The following PVT1 variants were observed in gnomAD, a reference collection of about 807,000 sequenced individuals.
PVT1 encodes the protein CXCR4/PVT1 fusion.
intron 3 of PVT1, among the ~76,000 whole-genome samples, chr8:127,912,021 G>A (rs1198421596): frequency 6.6e-6 from 1 of 152,186 alleles, no homozygotes; most frequent in Non-Finnish European, 1.5e-5. Flanking sequence ...CCAGCTTTTA[G>A]TGGAGACCTG....
chr8:127,855,301 G>A lies in PVT1; in HGVS notation n.373-35288G>A, dbSNP rs983184847. 12 of 398,260 alleles carry A rather than the reference G, an allele frequency of 3.0e-5. No homozygotes were observed. The Admixed American group carries it at 4.4e-4, about 15-fold the overall frequency. The allele number at this position is 398,260 out of a possible 1,614,324, so 24.7% of individuals were successfully genotyped here. On this transcript the variant is annotated intron_variant and non_coding_transcript_variant, in intron 2 of 10. Coordinates refer to ENST00000651587, the Ensembl canonical transcript of PVT1. Reference sequence around the variant, plus strand: ...GATGGAGAAGCAGCTGGGGGCCTTGGCTGTAAGGACCCCTAAGGGTTAGTG... The same window carrying A: ...GATGGAGAAGCAGCTGGGGGCCTTGACTGTAAGGACCCCTAAGGGTTAGTG...
Position 127,881,170 on chromosome 8 carries a change from T to A in PVT1, n.373-9419T>A, listed in dbSNP as rs1815462576. On this transcript the variant is annotated intron_variant and non_coding_transcript_variant, in intron 2 of 10. Transcript: ENST00000651587. ...GAAGGAAATCAAGCCCTTAATAACA[T>A]TAGGGAACTGGACTGGGTTCGGTTT... Among the ~76,000 whole-genome samples the A allele has an allele frequency of 2.0e-5, 3 of 152,184 alleles. No individual in the cohort carries two copies. The South Asian group carries it at 6.2e-4, about 32-fold the overall frequency.
At chr8:128,065,089 A>C (rs1338753971) in intron 4 of PVT1, among the ~76,000 whole-genome samples, 1 of 152,242 alleles carries the variant, frequency 6.6e-6, no homozygotes, top group Non-Finnish European at 1.5e-5. Flanking sequence ...TTACACAGCA[A>C]GTTCCTGAAG....
At chr8:128,055,784 G>A (rs968504808) in intron 4 of PVT1, among the ~76,000 whole-genome samples, 25 of 152,128 alleles carry the variant, frequency 1.6e-4, no homozygotes, top group African/African-American at 5.6e-4. Flanking sequence ...CTCTCATCAC[G>A]AGCAGTCTAG....
rs532277967 is a variant in PVT1 at position 127,815,791 on chromosome 8, T to C, written n.372+19720T>C. ...AATTGGTGAATGAATTTAATGTAGC[T>C]TCAACCTGAAGACCATTATACACTA... On this transcript the variant is annotated intron_variant and non_coding_transcript_variant, in intron 2 of 10. Coordinates refer to ENST00000651587, the Ensembl canonical transcript of PVT1. 1.7e-4 allele frequency among the ~76,000 whole-genome samples: 26 copies of C among 152,336 alleles called. 1 individual carries two copies. In the South Asian group the frequency reaches 5.4e-3, roughly 32 times the overall value.
intron 5 of PVT1, among the ~76,000 whole-genome samples, chr8:128,086,799 G>A (rs569062991): frequency 5.3e-5 from 8 of 152,210 alleles, no homozygotes; most frequent in South Asian, 2.1e-4. Flanking sequence ...CCCTGGCTGC[G>A]TTTGGCTCCA....
At chr8:128,006,799 C>T (rs552073831) in intron 4 of PVT1, among the ~76,000 whole-genome samples, 120 of 152,270 alleles carry the variant, frequency 7.9e-4, no homozygotes, top group Middle Eastern at 6.8e-3. Context: ...GACTATAATA[C>T]ATTTTGTGCT....
At chr8:128,041,282 A>G (rs1813533377) in intron 4 of PVT1, among the ~76,000 whole-genome samples, 2 of 127,350 alleles carry the variant, frequency 1.6e-5, no homozygotes, top group African/African-American at 3.1e-5. Context: ...CTGTGTGTTT[A>G]TGCTTGTATG....
At chr8:127,910,893 T>TG (rs1815888877) in intron 3 of PVT1, among the ~76,000 whole-genome samples, 1 of 140,634 alleles carries the variant, frequency 7.1e-6, no homozygotes, top group African/African-American at 2.6e-5. Context: ...GTGTGTGTGT[T>TG]TGTGTGTGTG....
At chr8:128,037,211 C>G (rs916723377) in intron 4 of PVT1, among the ~76,000 whole-genome samples, 6 of 152,240 alleles carry the variant, frequency 3.9e-5, no homozygotes, top group African/African-American at 1.2e-4. Flanking sequence ...CTCTGAGGGG[C>G]AGGAGCCACT....
At chr8:127,945,789 G>A (rs138968745) in intron 3 of PVT1, among the ~76,000 whole-genome samples, 289 of 152,176 alleles carry the variant, frequency 1.9e-3, no homozygotes, top group Admixed American at 0.015. Flanking sequence ...GTTCCCATTC[G>A]TTCATTTTTT....
At chr8:128,038,309 C>G (rs1813488960) in intron 4 of PVT1, among the ~76,000 whole-genome samples, 1 of 152,074 alleles carries the variant, frequency 6.6e-6, no homozygotes, top group South Asian at 2.1e-4. Flanking sequence ...CTGTCTTGTC[C>G]CCTTTTAGCA....
chr8:127,956,994 T>C (rs753251989), intron 3 of PVT1, among the ~76,000 whole-genome samples: 4 of 152,236 alleles, frequency 2.6e-5, no homozygotes, highest in Non-Finnish European at 5.9e-5. Context: ...TCACTTTTTA[T>C]TCTCTCTAGT....
chr8:127,854,248 G>A (rs190077235), intron 2 of PVT1, among the ~76,000 whole-genome samples: 2 of 152,232 alleles, frequency 1.3e-5, no homozygotes, highest in East Asian at 1.9e-4. Context: ...GGGCACAGGC[G>A]GAGGGCAGGG....
At chr8:127,872,427 G>A (rs1473361325) in intron 2 of PVT1, among the ~76,000 whole-genome samples, 5 of 152,012 alleles carry the variant, frequency 3.3e-5, no homozygotes, top group Admixed American at 3.3e-4. Flanking sequence ...AAATAAATAA[G>A]TAAATAAGAG....
intron 3 of PVT1, among the ~76,000 whole-genome samples, chr8:127,950,165 C>G (rs1335231081): frequency 6.6e-6 from 1 of 152,244 alleles, no homozygotes; most frequent in East Asian, 1.9e-4. Flanking sequence ...CTTCTAATCT[C>G]CCTTTTACTG....
chr8:128,045,216 C>T (rs1004008077), intron 4 of PVT1, among the ~76,000 whole-genome samples: 3 of 152,176 alleles, frequency 2.0e-5, no homozygotes, highest in East Asian at 3.8e-4. Context: ...GCAGGCACCA[C>T]GGCAGCCTGC....
chr8:128,087,085 A>T (rs1814268007), intron 5 of PVT1, among the ~76,000 whole-genome samples: 1 of 152,218 alleles, frequency 6.6e-6, no homozygotes, highest in African/African-American at 2.4e-5. Flanking sequence ...GCAATAGTGG[A>T]GCATCTTTGT....
At chr8:128,040,621 G>A (rs147406774) in intron 4 of PVT1, among the ~76,000 whole-genome samples, 87 of 152,310 alleles carry the variant, frequency 5.7e-4, no homozygotes, top group African/African-American at 1.9e-3. Context: ...AAATATGAGC[G>A]TGATCATCAA....
Sources: gnomAD v4.1 joint callset for allele counts (sites outside exome capture counted in the v4.1 genomes callset) on GRCh38, gnomAD v4.1.1 for gene constraint, MANE v1.5 for transcripts, NCBI Gene and HGNC (gene_info 2026-07-23, HGNC 2026-07-21) for gene names.